Variants in NELL2 observed in about 807,000 individuals in gnomAD.
NELL2 encodes protein kinase C-binding protein NELL2.
In NELL2, 41 loss-of-function variants were observed where a neutral mutation model predicts 109.6. The ratio of observed to expected loss-of-function variants is 0.37; its 90% confidence interval spans 0.29 to 0.49. NELL2 has a LOEUF of 0.49. Ranked by LOEUF, NELL2 falls within the 20% of genes least tolerant of loss-of-function variation. The pLI is 0.98. For synonymous variants in NELL2, 355 were observed against 344.7 expected, an observed-to-expected ratio of 1.03 and a Z score of -0.33; for missense variants, 900 against 1,008.3, an observed-to-expected ratio of 0.89 and a Z score of 1.45.
At chr12:44,606,792 T>A (rs946231628) in intron 15 of NELL2, among the ~76,000 whole-genome samples, 1 of 152,096 alleles carries the variant, frequency 6.6e-6, no homozygotes, top group Non-Finnish European at 1.5e-5. Context: ...CAGGTGATAG[T>A]GTGTTCTCGG....
At chr12:44,671,892 C>T (rs563004070) in intron 12 of NELL2, among the ~76,000 whole-genome samples, 11 of 152,250 alleles carry the variant, frequency 7.2e-5, no homozygotes, top group African/African-American at 2.2e-4. Context: ...AGAGAGGGTC[C>T]CATCAACAAG....
intron 3 of NELL2, among the ~76,000 whole-genome samples, chr12:44,796,295 T>A (rs2136641795): frequency 6.6e-6 from 1 of 152,246 alleles, no homozygotes. Flanking sequence ...TAAGTATGAA[T>A]TTCATGGACA....
chr12:44,626,827 G>A (rs1179668489), intron 13 of NELL2, among the ~76,000 whole-genome samples: 2 of 152,146 alleles, frequency 1.3e-5, no homozygotes, highest in Non-Finnish European at 2.9e-5. Flanking sequence ...CAGTCCAGCA[G>A]CTTTTGACTA....
chr12:44,508,894 A>G lies in NELL2; in HGVS notation c.*40T>C, dbSNP rs1304804439. 3 of 1,564,214 alleles carry G rather than the reference A, an allele frequency of 1.9e-6. No individual in the cohort carries two copies. The highest frequency in any genetic ancestry group is 1.2e-5 in the South Asian group (1 of 86,224). On this transcript the variant is annotated 3_prime_UTR_variant, in exon 20 of 20. Coordinates refer to ENST00000429094, the MANE Select transcript of NELL2 (RefSeq NM_001145108.2). ...CTTCTTTTTGGTCTTTTAATGAAAG[A>G]ACATTCTTTTAACAGAAATCTCCCA...
At chr12:44,773,478 GAAA>G (rs758962096) in intron 9 of NELL2, among the ~76,000 whole-genome samples, 90 of 144,892 alleles carry the variant, frequency 6.2e-4, no homozygotes, top group Middle Eastern at 7.0e-3. Context: ...TCCGTCTCAA[GAAA>G]AAAAAAAAAG....
At chr12:44,744,841 C>T (rs764127049) in intron 9 of NELL2, among the ~76,000 whole-genome samples, 1 of 152,128 alleles carries the variant, frequency 6.6e-6, no homozygotes, top group Non-Finnish European at 1.5e-5. Flanking sequence ...AGTCCAGGAC[C>T]AGATGGATTC....
At chr12:44,864,911 T>C (rs1039971491) in intron 2 of NELL2, among the ~76,000 whole-genome samples, 2 of 150,642 alleles carry the variant, frequency 1.3e-5, no homozygotes, top group African/African-American at 4.9e-5. Context: ...GGTCAAATGG[T>C]ATTTCTAGTT....
intron 9 of NELL2, among the ~76,000 whole-genome samples, chr12:44,749,549 A>G (rs1566305928): frequency 6.6e-6 from 1 of 152,090 alleles, no homozygotes; most frequent in Non-Finnish European, 1.5e-5. Context: ...TAACATTTCC[A>G]TCTTTTATAG....
At chr12:44,892,797 CAA>C (rs57230571) in intron 1 of NELL2, among the ~76,000 whole-genome samples, 1,078 of 57,696 alleles carry the variant, frequency 0.019, 5 homozygotes, top group African/African-American at 0.067. Context: ...GACTCTGTCT[CAA>C]AAAAAAAAAA....
intron 16 of NELL2, chr12:44,523,713 A>G (rs1941642533): frequency 1.8e-6 from 1 of 541,022 alleles, no homozygotes; most frequent in African/African-American, 1.9e-5. Flanking sequence ...CCTTGGCTAG[A>G]ATTTCAACTT....
At chr12:44,896,090 A>G (rs1945589765) in intron 1 of NELL2, among the ~76,000 whole-genome samples, 1 of 152,196 alleles carries the variant, frequency 6.6e-6, no homozygotes, top group Non-Finnish European at 1.5e-5. Flanking sequence ...TAAAATAGTG[A>G]TCATTCAGTA....
intron 9 of NELL2, among the ~76,000 whole-genome samples, chr12:44,747,151 G>C (rs191722070): frequency 2.6e-5 from 4 of 152,176 alleles, no homozygotes; most frequent in South Asian, 2.1e-4. Context: ...CCTTTGTGGG[G>C]ACATGGATGA....
intron 15 of NELL2, among the ~76,000 whole-genome samples, chr12:44,573,484 A>G (rs572687897): frequency 7.9e-5 from 12 of 152,350 alleles, no homozygotes; most frequent in African/African-American, 2.9e-4. Context: ...ATGAATACCC[A>G]GGGATGAGAT....
chr12:44,764,415 G>C (rs113404133), intron 9 of NELL2, among the ~76,000 whole-genome samples: 3,186 of 152,146 alleles, frequency 0.021, 98 homozygotes, highest in African/African-American at 0.072. Flanking sequence ...CGAAATACTA[G>C]AAGATTTACT....
chr12:44,589,958 C>T (rs1944683746), intron 15 of NELL2, among the ~76,000 whole-genome samples: 2 of 152,082 alleles, frequency 1.3e-5, no homozygotes, highest in Admixed American at 1.3e-4. Context: ...CCATCTGATC[C>T]CTGCCTTCCT....
chr12:44,887,773 T>G (rs1945491407), intron 1 of NELL2, among the ~76,000 whole-genome samples: 2 of 151,908 alleles, frequency 1.3e-5, no homozygotes, highest in Non-Finnish European at 2.9e-5. Flanking sequence ...TTTCTCCCAC[T>G]TTGTGGGTTG....
chr12:44,601,920 T>C (rs531050375), intron 15 of NELL2, among the ~76,000 whole-genome samples: 81 of 152,336 alleles, frequency 5.3e-4, no homozygotes, highest in South Asian at 2.1e-3. Context: ...TTTTGTGTTC[T>C]TGACCACTAT....
In NELL2 at chr12:44,875,206, T is replaced by G. The variant is rs1261386489; in HGVS notation, c.184+19A>C. 2 of 1,603,672 alleles carry G rather than the reference T, an allele frequency of 1.2e-6. No individual in the cohort carries two copies. The highest frequency in any genetic ancestry group is 1.1e-5 in the South Asian group (1 of 90,332). ...ATCGGAACTGAAATCACAGTGGGGA[T>G]GCAGCACGCCGGGCATACCTTGAAA... On this transcript the variant is annotated intron_variant, in intron 2 of 19. Transcript: ENST00000429094.
At chr12:44,654,058 T>C (rs766672650) in intron 13 of NELL2, among the ~76,000 whole-genome samples, 2 of 152,200 alleles carry the variant, frequency 1.3e-5, no homozygotes, top group Non-Finnish European at 2.9e-5. Context: ...GTTGGTGATG[T>C]GTGGCCATAC....
Sources: gnomAD v4.1 joint callset for allele counts (sites outside exome capture counted in the v4.1 genomes callset) on GRCh38, gnomAD v4.1.1 for gene constraint, MANE v1.5 for transcripts, NCBI Gene and HGNC (gene_info 2026-07-23, HGNC 2026-07-21) for gene names.